ITGB5: variants seen among roughly 807,000 people sequenced by gnomAD.
The protein encoded by ITGB5 is integrin subunit beta 5, also known as integrin beta-5.
Under a neutral mutation model 84.8 loss-of-function variants are expected in ITGB5, and 38 were observed. The ratio of observed to expected loss-of-function variants is 0.45; its 90% CI spans 0.35 to 0.59. ITGB5 has a LOEUF of 0.59. ITGB5 is among the 20% of genes least tolerant of loss of function. The pLI, the probability that ITGB5 is intolerant of heterozygous loss-of-function variation, is 0.01. For missense variants in ITGB5, 905 were observed against 1,034.5 expected (o/e 0.87, Z 1.72); for synonymous variants, 393 against 414.4 (o/e 0.95, Z 0.63).
At chr3:124,809,455 G>C (rs1429480781) in intron 8 of ITGB5, 3 of 279,730 alleles carry the variant, frequency 1.1e-5, no homozygotes, top group African/African-American at 6.4e-5. Flanking sequence ...TCCCCTGCTT[G>C]CTTCTCCAGA....
chr3:124,886,838 G>A, intron 1 of ITGB5, 93 bp downstream of exon 1: 1 of 790,330 alleles, frequency 1.3e-6, no homozygotes, highest in Non-Finnish European at 1.7e-6. Context: ...TCCGCCCTCA[G>A]GCACCGCCTG....
chr3:124,800,204 T>C (rs1458729697), intron 9 of ITGB5, among the ~76,000 whole-genome samples: 1 of 152,168 alleles, frequency 6.6e-6, no homozygotes, highest in Non-Finnish European at 1.5e-5. Context: ...GCTGGACTTG[T>C]GCTCCACAGA....
At chr3:124,852,195 G>A (rs571914548) in intron 3 of ITGB5, among the ~76,000 whole-genome samples, 3 of 152,112 alleles carry the variant, frequency 2.0e-5, no homozygotes, top group Admixed American at 1.3e-4. Context: ...GTCTGTGCCC[G>A]TCTCTGGTGA....
chr3:124,898,667 A>G (rs1475314951), intron 1 of ITGB5, among the ~76,000 whole-genome samples: 1 of 147,070 alleles, frequency 6.8e-6, no homozygotes, highest in Non-Finnish European at 1.5e-5. Flanking sequence ...AAAAAAAAAA[A>G]AAAGAAAATG....
chr3:124,865,481 C>CTTTTTTTT lies in ITGB5; in HGVS notation c.157-6043_157-6036dup, dbSNP rs59446328. Among the ~76,000 whole-genome samples, 329 of 93,254 alleles carry CTTTTTTTT rather than the reference C, an allele frequency of 3.5e-3. 10 individuals carry two copies. The highest frequency in any genetic ancestry group is 3.9e-3 in the Non-Finnish European group (192 of 49,312). 61.2% of individuals were successfully genotyped at this position (93,254 alleles called of 152,430 possible). A position where few individuals can be genotyped will look rare whatever the true frequency, so the allele number is the denominator to read the frequency against. On this transcript the variant is annotated intron_variant, in intron 2 of 14. Transcript: ENST00000296181. ...TTGAAGTGTCCTTTGCGGCTTTTTT[C>CTTTTTTTT]TTTTTTTTTTTTTTTTTTTTTGAGA...
intron 10 of ITGB5, chr3:124,780,773 G>C (rs1043028341): frequency 7.5e-5 from 11 of 146,404 alleles, no homozygotes; most frequent in Non-Finnish European, 1.5e-4. Flanking sequence ...CTCCCCGGCA[G>C]TGTCCCCTCC....
chr3:124,882,164 C>G (rs1454426765), intron 1 of ITGB5, among the ~76,000 whole-genome samples: 2 of 152,134 alleles, frequency 1.3e-5, no homozygotes, highest in Non-Finnish European at 2.9e-5. Context: ...AAATATGTGC[C>G]TGGTGCTGTT....
chr3:124,879,588 A>G (rs1212236178), intron 1 of ITGB5, among the ~76,000 whole-genome samples: 1 of 152,250 alleles, frequency 6.6e-6, no homozygotes, highest in Non-Finnish European at 1.5e-5. Flanking sequence ...AGACATCTGC[A>G]CAACACTCAA....
intron 1 of ITGB5, among the ~76,000 whole-genome samples, chr3:124,881,038 C>T (rs932669416): frequency 1.3e-5 from 2 of 151,962 alleles, no homozygotes; most frequent in Non-Finnish European, 2.9e-5. Flanking sequence ...GGCTAGAGTA[C>T]GGTGGTGTGA....
chr3:124,779,268 G>A (rs373008142), intron 10 of ITGB5, among the ~76,000 whole-genome samples: 7 of 152,180 alleles, frequency 4.6e-5, no homozygotes, highest in East Asian at 3.9e-4. Context: ...GGGAATGTAG[G>A]GGGTAACCAG....
intron 5 of ITGB5, among the ~76,000 whole-genome samples, chr3:124,828,861 G>C (rs1020769017): frequency 6.9e-4 from 105 of 152,230 alleles, no homozygotes; most frequent in African/African-American, 2.5e-3. Flanking sequence ...ATCTGATTTC[G>C]GTCCCATGTC....
At chr3:124,886,214 G>A (rs1006837010) in intron 1 of ITGB5, among the ~76,000 whole-genome samples, 7 of 152,170 alleles carry the variant, frequency 4.6e-5, no homozygotes, top group Non-Finnish European at 7.3e-5. Context: ...GTGAGGCTCC[G>A]AGCGTGTGCA....
At chr3:124,809,342 A>C in intron 8 of ITGB5, 186 bp from the exon 9 acceptor site, 2 of 592,976 alleles carry the variant, frequency 3.4e-6, no homozygotes, top group Non-Finnish European at 5.9e-6. Context: ...CTCACACAAC[A>C]TCTTGCTAGA....
chr3:124,873,439 T>G lies in ITGB5; in HGVS notation c.156+7A>C. The G allele has an allele frequency of 6.5e-7, 1 of 1,539,042 alleles. No homozygotes were observed. On this transcript the variant is annotated splice_region_variant and intron_variant, in intron 2 of 14. Coordinates refer to ENST00000296181, the MANE Select transcript of ITGB5 (RefSeq NM_002213.5). ...TCCCTTCTTCCTCCCCTCCCCCACC[T>G]ACATACCTCTTTGGAGCACCAGGCA...
intron 13 of ITGB5, 63 bp downstream of exon 13, chr3:124,766,163 T>C: frequency 1.9e-6 from 3 of 1,558,934 alleles, no homozygotes; most frequent in Non-Finnish European, 2.6e-6. Context: ...GAGCAGAGAA[T>C]GGCATCAGAA....
intron 3 of ITGB5, among the ~76,000 whole-genome samples, chr3:124,850,958 A>G (rs922659271): frequency 2.6e-5 from 4 of 152,200 alleles, no homozygotes; most frequent in Non-Finnish European, 4.4e-5. Flanking sequence ...AGAGCCTGCA[A>G]TCCTATTTCC....
Position 124,763,090 on chromosome 3 carries a change from T to G in ITGB5, c.*533A>C, listed in dbSNP as rs1409724715. 1.3e-5 allele frequency: 2 copies of G among 152,460 alleles called. No homozygotes were observed. The highest frequency in any genetic ancestry group is 2.4e-5 in the African/African-American group (1 of 41,442). The allele number at this position is 152,460 out of a possible 1,614,324, so 9.4% of individuals were successfully genotyped here. Reference sequence around the variant, plus strand: ...GCAAACGATGTACCTTCAACAGGCATCTCAACAGCCCCATCACCAACACCT... The same window carrying G: ...GCAAACGATGTACCTTCAACAGGCAGCTCAACAGCCCCATCACCAACACCT... On this transcript the variant is annotated 3_prime_UTR_variant, in exon 15 of 15. Transcript: ENST00000296181.
At chr3:124,899,408 A>G (rs1242484133) in intron 1 of ITGB5, among the ~76,000 whole-genome samples, 1 of 152,140 alleles carries the variant, frequency 6.6e-6, no homozygotes, top group Non-Finnish European at 1.5e-5. Context: ...TCAGGAGGCT[A>G]TTGTTTCCAC....
chr3:124,890,369 G>A (rs1934973519), upstream of ITGB5, among the ~76,000 whole-genome samples: 2 of 151,634 alleles, frequency 1.3e-5, no homozygotes, highest in African/African-American at 4.8e-5. Context: ...ACACCTGGCT[G>A]ATTTTTTTTT....
Sources: allele counts gnomAD v4.1 joint callset (sites outside exome capture counted in the v4.1 genomes callset), GRCh38; gene constraint gnomAD v4.1.1; transcripts MANE v1.5; gene names NCBI Gene and HGNC (gene_info 2026-07-23, HGNC 2026-07-21).